ASB5: variants seen among roughly 807,000 people sequenced by gnomAD.
ASB5 encodes ankyrin repeat and SOCS box containing 5, also known as ankyrin repeat and SOCS box protein 5.
A neutral mutation model predicts 42.1 loss-of-function variants in ASB5; 45 were observed. The observed-to-expected ratio is 1.07, with a 90% confidence interval of 0.84 to 1.37. ASB5 has a LOEUF of 1.37. Ranked by LOEUF, ASB5 falls within the 40% of genes most tolerant of loss-of-function variation. The pLI is 0.00. For missense variants in ASB5, 402 were observed against 399.8 expected, an observed-to-expected ratio of 1.01 and a Z score of -0.05; for synonymous variants, 147 against 150.6, an observed-to-expected ratio of 0.98 and a Z score of 0.18.
intron 1 of ASB5, among the ~76,000 whole-genome samples, chr4:176,249,971 A>G (rs2126968959): frequency 6.6e-6 from 1 of 151,770 alleles, no homozygotes; most frequent in Middle Eastern, 3.4e-3. Flanking sequence ...AGGCTGAGGC[A>G]GGAGAATGAC....
At chr4:176,254,255 G>T (rs1431400032) in intron 1 of ASB5, among the ~76,000 whole-genome samples, 1 of 152,092 alleles carries the variant, frequency 6.6e-6, no homozygotes, top group Non-Finnish European at 1.5e-5. Flanking sequence ...GTGCAGAAAT[G>T]CTGCAGACCT....
In ASB5 at chr4:176,213,969, G is replaced by T. The variant is rs1752901005; in HGVS notation, c.*1631C>A. ...GCAGCTTTAATATCTGTTTAACCAG[G>T]TTATTCTATAATAAGAACTCCATTT... is the stretch of plus-strand genomic sequence containing the variant. On this transcript the variant is annotated 3_prime_UTR_variant, in exon 7 of 7. Coordinates refer to ENST00000296525, the MANE Select transcript of ASB5 (RefSeq NM_080874.4). The T allele has an allele frequency of 6.6e-6, 1 of 152,094 alleles. No individual in the cohort carries two copies. The highest frequency in any genetic ancestry group is 1.5e-5 in the Non-Finnish European group (1 of 67,952). 9.4% of individuals were successfully genotyped at this position (152,094 alleles called of 1,614,324 possible).
chr4:176,222,496 G>C, intron 2 of ASB5, 76 bp from the exon 3 acceptor site: 1 of 1,276,794 alleles, frequency 7.8e-7, no homozygotes, highest in East Asian at 2.3e-5. Flanking sequence ...TGTCACTAGA[G>C]AGTGATATAT....
At chr4:176,219,563 A>G (rs1225239174) in intron 5 of ASB5, among the ~76,000 whole-genome samples, 1 of 58,024 alleles carries the variant, frequency 1.7e-5, no homozygotes, top group Non-Finnish European at 3.5e-5. Context: ...ATAAATATGT[A>G]TATATTTGTA....
chr4:176,270,804 A>G (rs760700472), upstream of ASB5, among the ~76,000 whole-genome samples: 30 of 152,152 alleles, frequency 2.0e-4, no homozygotes, highest in Non-Finnish European at 4.3e-4. Flanking sequence ...TGGCATGATG[A>G]TGCCTGACTC....
At chr4:176,274,209 G>T (rs1460061514), upstream of ASB5, among the ~76,000 whole-genome samples, 1 of 152,172 alleles carries the variant, frequency 6.6e-6, no homozygotes, top group African/African-American at 2.4e-5. Context: ...CAGCATCACG[G>T]TACCTTCATT....
chr4:176,216,579 G>A (rs979161953), intron 6 of ASB5, among the ~76,000 whole-genome samples: 2 of 152,154 alleles, frequency 1.3e-5, no homozygotes, highest in Non-Finnish European at 2.9e-5. Flanking sequence ...TTGATCTCTT[G>A]ACCTTGTGAT....
chr4:176,216,021 A>C (rs1010607087), intron 6 of ASB5, among the ~76,000 whole-genome samples: 1 of 152,156 alleles, frequency 6.6e-6, no homozygotes, highest in Non-Finnish European at 1.5e-5. Flanking sequence ...AAGGAGATAT[A>C]AATCAAAAGT....
chr4:176,246,955 C>T (rs529381362), intron 1 of ASB5, among the ~76,000 whole-genome samples: 1 of 152,090 alleles, frequency 6.6e-6, no homozygotes, highest in Non-Finnish European at 1.5e-5. Flanking sequence ...CCTATAGAAC[C>T]CATAGATTCC....
chr4:176,218,366 TATAA>T (rs1451643366), intron 5 of ASB5, among the ~76,000 whole-genome samples: 3 of 111,564 alleles, frequency 2.7e-5, no homozygotes, highest in Non-Finnish European at 5.1e-5. Context: ...TTGTATGATA[TATAA>T]ATATATATGT....
intron 1 of ASB5, 33 bp downstream of exon 1, chr4:176,268,880 A>C (rs927668629): frequency 1.3e-6 from 2 of 1,482,746 alleles, no homozygotes; most frequent in East Asian, 4.9e-5. Flanking sequence ...GTTAAACTCC[A>C]CTTGAAACAA....
At chr4:176,237,543 C>T (rs759689726) in intron 1 of ASB5, 73 of 985,530 alleles carry the variant, frequency 7.4e-5, no homozygotes, top group Non-Finnish European at 8.6e-5. Flanking sequence ...CACAAAGGTT[C>T]CTGTGTGCTA....
intron 1 of ASB5, among the ~76,000 whole-genome samples, chr4:176,255,330 T>G (rs1423975038): frequency 6.6e-6 from 1 of 152,224 alleles, no homozygotes; most frequent in East Asian, 1.9e-4. Context: ...AACTAAGAGT[T>G]GAACTACCAT....
At chr4:176,238,539 G>A (rs1753743418) in intron 1 of ASB5, among the ~76,000 whole-genome samples, 1 of 152,204 alleles carries the variant, frequency 6.6e-6, no homozygotes, top group Admixed American at 6.5e-5. Context: ...ATCAAGAGCA[G>A]CGACCGAACT....
Position 176,214,384 on chromosome 4 carries a change from A to G in ASB5, c.*1216T>C, listed in dbSNP as rs977400373. ...TGATTATCTTATTTCTAAAATCATA[A>G]TAGGCCCTGAATTACAAAACAGGCA... On this transcript the variant is annotated 3_prime_UTR_variant, in exon 7 of 7. Transcript: ENST00000296525. 6.6e-6 allele frequency: 1 copy of G among 152,136 alleles called. No homozygotes were observed. Among genetic ancestry groups the G allele is most frequent in the African/African-American group, 2.4e-5 (1 of 41,434 alleles). 9.4% of individuals were successfully genotyped at this position (152,136 alleles called of 1,614,324 possible). A position where few individuals can be genotyped will look rare whatever the true frequency, so the allele number is the denominator to read the frequency against.
chr4:176,236,974 T>C (rs1753701775), intron 1 of ASB5, among the ~76,000 whole-genome samples: 1 of 152,216 alleles, frequency 6.6e-6, no homozygotes, highest in African/African-American at 2.4e-5. Flanking sequence ...ATATTGCCTG[T>C]AAACAGTCTT....
rs367617967 is a variant in ASB5 at position 176,228,650 on chromosome 4, T to C, written c.197-3309A>G. ...TTACTTCTTTCTACTGTGTGACAGT[T>C]CTATTATATATTCAAGGCAGAATTG... On this transcript the variant is annotated intron_variant, in intron 1 of 6. Transcript: ENST00000296525. 3.3e-4 allele frequency among the ~76,000 whole-genome samples: 50 copies of C among 152,302 alleles called. 1 individual carries two copies. Among genetic ancestry groups the C allele is most frequent in the African/African-American group, 1.2e-3 (49 of 41,564 alleles).
At chr4:176,226,763 C>T (rs1021803071) in intron 1 of ASB5, among the ~76,000 whole-genome samples, 1 of 152,138 alleles carries the variant, frequency 6.6e-6, no homozygotes, top group East Asian at 1.9e-4. Flanking sequence ...ATGCCCACCT[C>T]GCCACACTCC....
chr4:176,233,605 C>T (rs1753608332), intron 1 of ASB5, among the ~76,000 whole-genome samples: 2 of 152,092 alleles, frequency 1.3e-5, no homozygotes. Context: ...TTGAGTGTTT[C>T]GTGTGCTTCT....
Sources: allele counts gnomAD v4.1 joint callset (sites outside exome capture counted in the v4.1 genomes callset), GRCh38; gene constraint gnomAD v4.1.1; transcripts MANE v1.5; gene names NCBI Gene and HGNC (gene_info 2026-07-23, HGNC 2026-07-21).